Variants in ASTN2 observed in about 807,000 individuals in gnomAD.
ASTN2 encodes astrotactin 2, also known as astrotactin-2.
Under a neutral mutation model 139.8 loss-of-function variants are expected in ASTN2, and 54 were observed. That is an observed-to-expected ratio of 0.39 (90% CI 0.31 to 0.48). ASTN2 has a LOEUF of 0.48. ASTN2 is among the 20% of genes least tolerant of loss of function. The pLI is 0.95. For missense variants in ASTN2, 1,565 were observed against 1,725.1 expected (o/e 0.91, Z 1.64); for synonymous variants, 756 against 719.5 (o/e 1.05, Z -0.81).
chr9:116,717,286 CG>C (rs1426655301), intron 16 of ASTN2, among the ~76,000 whole-genome samples: 1 of 88,782 alleles, frequency 1.1e-5, no homozygotes, highest in African/African-American at 4.8e-5. Context: ...CAATCTAAAC[CG>C]GGGAACAAAT....
chr9:116,575,303 AAG>A (rs1853682272), intron 19 of ASTN2, among the ~76,000 whole-genome samples: 1 of 152,144 alleles, frequency 6.6e-6, no homozygotes, highest in South Asian at 2.1e-4. Context: ...TTAAAAAAAA[AAG>A]AAAGAAAAAT....
At chr9:116,702,414 C>CA (rs1489577788) in intron 16 of ASTN2, among the ~76,000 whole-genome samples, 1 of 152,114 alleles carries the variant, frequency 6.6e-6, no homozygotes, top group Non-Finnish European at 1.5e-5. Context: ...TCTTTCCCCT[C>CA]ACAAGTCTCC....
chr9:117,307,420 T>C (rs1835029657), intron 1 of ASTN2, among the ~76,000 whole-genome samples: 1 of 152,232 alleles, frequency 6.6e-6, no homozygotes, highest in African/African-American at 2.4e-5. Context: ...TGAGTATTTC[T>C]GTATGTGTGC....
intron 10 of ASTN2, among the ~76,000 whole-genome samples, chr9:116,964,292 T>G (rs1835954899): frequency 6.6e-6 from 1 of 150,556 alleles, no homozygotes; most frequent in African/African-American, 2.5e-5. Context: ...ACTGGGTGGT[T>G]GATGCCTATT....
chr9:117,245,950 G>C (rs891834372), intron 2 of ASTN2, among the ~76,000 whole-genome samples: 18 of 152,150 alleles, frequency 1.2e-4, no homozygotes, highest in Non-Finnish European at 1.0e-4. Context: ...TATTGCATGA[G>C]TATTTACTAG....
chr9:117,184,169 G>A (rs912385811), intron 3 of ASTN2, among the ~76,000 whole-genome samples: 1 of 152,150 alleles, frequency 6.6e-6, no homozygotes, highest in Non-Finnish European at 1.5e-5. Context: ...CAACAGACAC[G>A]CTGAAGGCAC....
At chr9:117,007,817 G>C (rs1254412586) in intron 7 of ASTN2, among the ~76,000 whole-genome samples, 1 of 151,914 alleles carries the variant, frequency 6.6e-6, no homozygotes, top group Non-Finnish European at 1.5e-5. Context: ...CTGAATGCAG[G>C]GATATCTGAA....
chr9:116,879,527 A>G (rs1322135714), intron 10 of ASTN2, among the ~76,000 whole-genome samples: 2 of 152,178 alleles, frequency 1.3e-5, no homozygotes, highest in African/African-American at 2.4e-5. Flanking sequence ...TTCCTCATAC[A>G]TAAATCATAG....
intron 13 of ASTN2, among the ~76,000 whole-genome samples, chr9:116,801,585 C>CAAAAAAAAAAAAAAAAAAAAAA (rs397893932): frequency 2.3e-4 from 14 of 60,362 alleles, no homozygotes; most frequent in Admixed American, 5.4e-4. Context: ...GGCTCTGTCT[C>CAAAAAAAAAAAAAAAAAAAAAA]AAAAAAAAAA....
At chr9:117,131,022 A>G (rs1309565489) in intron 4 of ASTN2, among the ~76,000 whole-genome samples, 1 of 152,184 alleles carries the variant, frequency 6.6e-6, no homozygotes, top group Non-Finnish European at 1.5e-5. Context: ...TAGTCTTCTA[A>G]GTGATTTATG....
At chr9:116,844,244 A>G (rs1832356986) in intron 11 of ASTN2, among the ~76,000 whole-genome samples, 1 of 152,208 alleles carries the variant, frequency 6.6e-6, no homozygotes, top group Non-Finnish European at 1.5e-5. Flanking sequence ...CACATCAGAA[A>G]GAATCAGTTT....
rs146872642 is a variant in ASTN2, at chr9:116,977,998, T to C, written c.1592-1213A>G. 7.6e-4 allele frequency among the ~76,000 whole-genome samples: 115 copies of C among 152,314 alleles called. 1 individual carries two copies. The highest frequency in any genetic ancestry group is 2.6e-3 in the African/African-American group (110 of 41,570). On this transcript the variant is annotated intron_variant, in intron 7 of 22. Transcript: ENST00000313400. ...TCCCAAAGTGCCGGGATTACACGTG[T>C]GAGCCACCACGCCTGGCCTAGAAAT...
rs543581244 is a variant in ASTN2, at chr9:117,325,616, C to G, written c.443-34103G>C. Among the ~76,000 whole-genome samples the G allele has an allele frequency of 5.3e-5, 8 of 152,156 alleles. No individual in the cohort carries two copies. The East Asian group carries it at 5.8e-4, about 11-fold the overall frequency. On this transcript the variant is annotated intron_variant, in intron 1 of 22. Transcript: ENST00000313400. ...CATAATTACCTGCTGTGTGTCCTCA[C>G]GGAGACTGATAAGGAAGTAATTAGG...
At chr9:116,774,785 C>A (rs1298569682) in intron 13 of ASTN2, among the ~76,000 whole-genome samples, 1 of 152,166 alleles carries the variant, frequency 6.6e-6, no homozygotes, top group Non-Finnish European at 1.5e-5. Context: ...ATGCTCTGCA[C>A]CATCAGACAT....
At chr9:117,202,454 G>A (rs956443475) in intron 3 of ASTN2, among the ~76,000 whole-genome samples, 12 of 152,086 alleles carry the variant, frequency 7.9e-5, no homozygotes, top group African/African-American at 2.7e-4. Context: ...TCATATTTTG[G>A]TGTATTTTTG....
chr9:116,838,776 T>A (rs1832099240), intron 11 of ASTN2, among the ~76,000 whole-genome samples: 1 of 152,120 alleles, frequency 6.6e-6, no homozygotes, highest in African/African-American at 2.4e-5. Flanking sequence ...ATGAGAACAC[T>A]CTGAGCCTCA....
At chr9:117,309,343 A>C (rs1400852060) in intron 1 of ASTN2, among the ~76,000 whole-genome samples, 3 of 152,232 alleles carry the variant, frequency 2.0e-5, no homozygotes, top group Non-Finnish European at 4.4e-5. Context: ...GATAGACCTT[A>C]AGAGAGAATC....
rs745937688 is a variant in ASTN2, at chr9:116,698,800, A to G, written c.2806+26971T>C. The G allele has an allele frequency of 6.2e-7, 1 of 1,614,192 alleles. No individual in the cohort carries two copies. Among genetic ancestry groups the G allele is most frequent in the Non-Finnish European group, 8.5e-7 (1 of 1,180,036 alleles). On this transcript the variant is annotated intron_variant, in intron 16 of 22. Coordinates refer to ENST00000313400, the MANE Select transcript of ASTN2 (RefSeq NM_001365068.1). This position sits in a 1 kb window ranked among gnomAD's most constrained non-coding sequence, Gnocchi z 4.4. ...GGTCCTGAGGCAGCCTCCAATATCC[A>G]GCAGTGCCTCTTTCTCAAGAAGATG...
intron 13 of ASTN2, among the ~76,000 whole-genome samples, chr9:116,755,947 A>G (rs1829521008): frequency 1.3e-5 from 2 of 152,216 alleles, no homozygotes; most frequent in African/African-American, 4.8e-5. Context: ...GAGCCTCCAG[A>G]AGAAAGCCCT....
Sources: gnomAD v4.1 joint callset for allele counts (sites outside exome capture counted in the v4.1 genomes callset) on GRCh38, gnomAD v4.1.1 for gene constraint, Gnocchi (gnomAD v3.1) non-coding constraint, MANE v1.5 for transcripts, NCBI Gene and HGNC (gene_info 2026-07-23, HGNC 2026-07-21) for gene names.